ADAM22: variants seen among roughly 807,000 people sequenced by gnomAD.
The protein encoded by ADAM22 is disintegrin and metalloproteinase domain-containing protein 22.
Under a neutral mutation model 144.6 loss-of-function variants are expected in ADAM22, and 65 were observed. That is an observed-to-expected ratio of 0.45 (90% CI 0.37 to 0.55). ADAM22 has a LOEUF of 0.55. Among genes scored for constraint, ADAM22 ranks in the 20% least tolerant of loss-of-function variants. The pLI is 0.00. For synonymous variants in ADAM22, 391 were observed against 412.6 expected, an observed-to-expected ratio of 0.95 and a Z score of 0.63; for missense variants, 974 against 1,184.9, an observed-to-expected ratio of 0.82 and a Z score of 2.61.
intron 3 of ADAM22, among the ~76,000 whole-genome samples, chr7:88,055,421 A>C (rs541040096): frequency 5.5e-4 from 83 of 151,960 alleles, no homozygotes; most frequent in Middle Eastern, 6.8e-3. Flanking sequence ...TGTGAAAAGC[A>C]TTGTGCCTTG....
intron 3 of ADAM22, among the ~76,000 whole-genome samples, chr7:88,057,253 C>G (rs1290786333): frequency 6.6e-6 from 1 of 152,010 alleles, no homozygotes; most frequent in Non-Finnish European, 1.5e-5. Flanking sequence ...AGCCACCATG[C>G]CTGGCCACAT....
intron 7 of ADAM22, among the ~76,000 whole-genome samples, chr7:88,120,326 C>G (rs747658943): frequency 1.3e-5 from 2 of 152,036 alleles, no homozygotes; most frequent in African/African-American, 2.4e-5. Context: ...ATCCCTCCCC[C>G]CTTCCCCCAC....
chr7:88,044,978 G>A (rs562092931), intron 3 of ADAM22, among the ~76,000 whole-genome samples: 10 of 151,586 alleles, frequency 6.6e-5, no homozygotes, highest in Non-Finnish European at 1.2e-4. Flanking sequence ...GCCCACCTCG[G>A]CCTCCCAAAG....
chr7:88,199,332 C>T lies in ADAM22; in HGVS notation c.*2841C>T, dbSNP rs1386623635. 1.3e-5 allele frequency: 2 copies of T among 152,132 alleles called. No homozygotes were observed. Among genetic ancestry groups the T allele is most frequent in the African/African-American group, 4.8e-5 (2 of 41,410 alleles). 9.4% of individuals were successfully genotyped at this position (152,132 alleles called of 1,614,324 possible). ...CTTTTTCCCCTCTTCCAGTTTTATG[C>T]ATTGATAAGACTACAGATTGGCACC... On this transcript the variant is annotated 3_prime_UTR_variant, in exon 32 of 32. Transcript: ENST00000413139.
intron 30 of ADAM22, among the ~76,000 whole-genome samples, chr7:88,192,834 CT>C (rs539981665): frequency 2.2e-3 from 329 of 152,168 alleles, no homozygotes; most frequent in African/African-American, 7.8e-3. Flanking sequence ...TGCATTTTAG[CT>C]TTTTATCTAT....
intron 3 of ADAM22, among the ~76,000 whole-genome samples, chr7:88,042,068 T>G (rs1456631292): frequency 6.6e-6 from 1 of 152,110 alleles, no homozygotes; most frequent in Non-Finnish European, 1.5e-5. Context: ...AGAGCTTTTC[T>G]TTGAGTCATA....
intron 2 of ADAM22, among the ~76,000 whole-genome samples, chr7:87,955,445 C>T (rs568551935): frequency 5.9e-5 from 9 of 152,106 alleles, no homozygotes; most frequent in South Asian, 2.1e-4. Context: ...TCTGCAGAAC[C>T]GCAGATTTTT....
At chr7:88,008,109 C>G (rs1222155297) in intron 3 of ADAM22, among the ~76,000 whole-genome samples, 1 of 152,024 alleles carries the variant, frequency 6.6e-6, no homozygotes, top group Non-Finnish European at 1.5e-5. Context: ...AGACACTTCT[C>G]AAAAGAAGAC....
intron 5 of ADAM22, among the ~76,000 whole-genome samples, chr7:88,109,192 T>C (rs1006864352): frequency 1.4e-4 from 21 of 152,096 alleles, no homozygotes; most frequent in African/African-American, 5.1e-4. Flanking sequence ...TCATAGCAAA[T>C]CTGTGGGAGG....
intron 29 of ADAM22, chr7:88,184,549 T>G: frequency 5.1e-6 from 1 of 197,412 alleles, no homozygotes; most frequent in Non-Finnish European, 1.1e-5. Context: ...CCAGCTAATT[T>G]TCCTTTGCCT....
chr7:87,957,149 G>C (rs1219858614), intron 2 of ADAM22, among the ~76,000 whole-genome samples: 1 of 152,170 alleles, frequency 6.6e-6, no homozygotes, highest in Non-Finnish European at 1.5e-5. Flanking sequence ...TGGCTAAAAA[G>C]ATTTTAGAAA....
At chr7:88,135,890 T>A (rs1347540304) in intron 13 of ADAM22, 90 bp from the exon 14 acceptor site, 15 of 1,145,698 alleles carry the variant, frequency 1.3e-5, no homozygotes, top group Non-Finnish European at 1.8e-5. Flanking sequence ...TTTTAAGGAA[T>A]AAAGTGGAGA....
chr7:88,040,100 G>C (rs1802731115), intron 3 of ADAM22, among the ~76,000 whole-genome samples: 1 of 151,522 alleles, frequency 6.6e-6, no homozygotes, highest in Non-Finnish European at 1.5e-5. Context: ...CAGGATTTCA[G>C]TTATCACTTC....
intron 4 of ADAM22, among the ~76,000 whole-genome samples, chr7:88,094,198 A>G (rs1378577640): frequency 6.6e-6 from 1 of 152,204 alleles, no homozygotes; most frequent in Non-Finnish European, 1.5e-5. Context: ...TTTGTAAATG[A>G]TAGAAATGAT....
chr7:88,033,593 G>C (rs1800800463), intron 3 of ADAM22, among the ~76,000 whole-genome samples: 1 of 152,212 alleles, frequency 6.6e-6, no homozygotes, highest in Non-Finnish European at 1.5e-5. Context: ...TCTACCATCA[G>C]CTGGTGGCAA....
At chr7:88,041,101 A>G (rs561046636) in intron 3 of ADAM22, among the ~76,000 whole-genome samples, 1 of 152,120 alleles carries the variant, frequency 6.6e-6, no homozygotes, top group Admixed American at 6.5e-5. Context: ...CTCCCTTTTC[A>G]TTAACACAAA....
chr7:88,131,388 C>T lies in ADAM22; in HGVS notation c.945C>T (p.Tyr315=). Residue 315 remains tyrosine, a synonymous_variant, in exon 11 of 32, where the codon TAC becomes TAT. Transcript: ENST00000413139. ...TCACCCTACGTGAGTTTATGAAATA[C>T]AGGAGGGATTTTATCAAAGAGAAAA... The part of the protein sequence containing the change: ...PLITLREFMK[Y]RRDFIKEKSD... The T allele has an allele frequency of 6.2e-7, 1 of 1,613,770 alleles. No individual in the cohort carries two copies. Among genetic ancestry groups the T allele is most frequent in the Non-Finnish European group, 8.5e-7 (1 of 1,179,826 alleles).
chr7:87,976,132 A>G (rs927179555), intron 2 of ADAM22, among the ~76,000 whole-genome samples: 3 of 152,178 alleles, frequency 2.0e-5, no homozygotes, highest in Admixed American at 1.3e-4. Flanking sequence ...GTGCTGGTCA[A>G]GTACTGAGGT....
At chr7:88,150,950 A>G in intron 18 of ADAM22, 31 bp from the exon 19 acceptor site, 13 of 1,580,240 alleles carry the variant, frequency 8.2e-6, no homozygotes, top group Non-Finnish European at 1.1e-5. Flanking sequence ...TTTGCACTGC[A>G]TTTCATTCAT....
Sources: gnomAD v4.1 joint callset for allele counts (sites outside exome capture counted in the v4.1 genomes callset) on GRCh38, gnomAD v4.1.1 for gene constraint, MANE v1.5 for transcripts, NCBI Gene and HGNC (gene_info 2026-07-23, HGNC 2026-07-21) for gene names.